The following PALM3 variants were observed in gnomAD, a reference collection of about 807,000 sequenced individuals.
PALM3 encodes the protein paralemmin 3.
A neutral mutation model predicts 27.9 loss-of-function variants in PALM3; 20 were observed. The ratio of observed to expected loss-of-function variants is 0.72; its 90% CI spans 0.50 to 1.04. PALM3 has a LOEUF of 1.04. Ranked by LOEUF, PALM3 falls within the 50% of genes least tolerant of loss-of-function variation. The pLI is 0.00. For synonymous variants in PALM3, 328 were observed against 352.7 expected (o/e 0.93, Z 0.79); for missense variants, 814 against 869.4 (o/e 0.94, Z 0.80).
chr19:14,059,135 G>A lies in PALM3; in HGVS notation c.70C>T (p.Gln24Ter). Reference sequence around the variant, plus strand: ...CTTACAGCGATGACTTCTAGCCGCTGCCGGTAGAGGGAGCTCTCCGCCATG... The same window carrying A: ...CTTACAGCGATGACTTCTAGCCGCTACCGGTAGAGGGAGCTCTCCGCCATG... ...MPMAESSLYR[Q>*]RLEVIAEKRR... is the part of the protein sequence containing the mutation. The change falls in exon 2 of 7, where the codon CAG becomes TAG. Residue 24 changes from glutamine to a stop codon, truncating the protein, a stop_gained. Coordinates refer to ENST00000669674, the MANE Select transcript of PALM3 (RefSeq NM_001145028.2). LOFTEE classifies it high-confidence loss of function. The A allele has an allele frequency of 7.0e-7, 1 of 1,436,244 alleles. No homozygotes were observed. The allele number at this position is 1,436,244 out of a possible 1,614,324, so 89.0% of individuals were successfully genotyped here.
At chr19:14,058,605 G>C (rs1271739662) in intron 2 of PALM3, among the ~76,000 whole-genome samples, 1 of 151,884 alleles carries the variant, frequency 6.6e-6, no homozygotes, top group Non-Finnish European at 1.5e-5. Flanking sequence ...GGGTACAGAG[G>C]TGGAGGTATG....
intron 1 of PALM3, among the ~76,000 whole-genome samples, chr19:14,060,665 G>A (rs1467140473): frequency 2.0e-5 from 3 of 152,122 alleles, no homozygotes; most frequent in Admixed American, 6.6e-5. Flanking sequence ...CACAGCTGGC[G>A]AGGGGGGTGG....
At chr19:14,061,628 C>T (rs1976415306) in intron 1 of PALM3, among the ~76,000 whole-genome samples, 1 of 152,160 alleles carries the variant, frequency 6.6e-6, no homozygotes, top group East Asian at 1.9e-4. Context: ...ACCCAGTGAC[C>T]CTGACCTTCC....
At chr19:14,060,687 T>A (rs73925723) in intron 1 of PALM3, among the ~76,000 whole-genome samples, 2,138 of 152,188 alleles carry the variant, frequency 0.014, 50 homozygotes, top group African/African-American at 0.048. Flanking sequence ...GGTGCAGGTC[T>A]AGGAATCCCC....
Position 14,056,921 on chromosome 19 carries a change from G to C in PALM3, c.172-117C>G. The C allele has an allele frequency of 5.4e-6, 5 of 931,972 alleles. 1 individual carries two copies. In the South Asian group the frequency reaches 7.2e-5, roughly 13 times the overall value. 57.7% of individuals were successfully genotyped at this position (931,972 alleles called of 1,614,324 possible). A position where few individuals can be genotyped will look rare whatever the true frequency, so the allele number is the denominator to read the frequency against. ...TTATCACCACCTCACAACCAGTTGC[G>C]ACATACATCAGGCTGGGATACATGG... On this transcript the variant is annotated intron_variant, in intron 3 of 6. Coordinates refer to ENST00000669674, the MANE Select transcript of PALM3 (RefSeq NM_001145028.2).
At position 14,054,487 on chromosome 19, in the gene PALM3, C is replaced by A; in HGVS notation, c.1185G>T (p.Glu395Asp). Residue 395 changes from glutamate (E) to aspartate (D), a missense_variant, in exon 7 of 7, where the codon GAG (glutamate) becomes GAT (aspartate). Glu to Asp is a conservative substitution (Grantham distance 45). Transcript: ENST00000669674. Reference protein sequence around the residue: ...ERGDESPLGAEGAKTGGGEET... With the variant: ...ERGDESPLGADGAKTGGGEET... ...CCTCGCCTCCTCCCGTCTTGGCCCC[C>A]TCGGCCCCCAGCGGGCTTTCATCTC... 1 of 1,551,350 alleles carries A rather than the reference C, an allele frequency of 6.4e-7. No homozygotes were observed. The highest frequency in any genetic ancestry group is 8.7e-7 in the Non-Finnish European group (1 of 1,146,800).
At chr19:14,056,886 G>A (rs1976315067) in intron 3 of PALM3, 82 bp from the exon 4 acceptor site, 3 of 1,400,400 alleles carry the variant, frequency 2.1e-6, no homozygotes, top group Middle Eastern at 4.8e-4. Context: ...CTGCAGGCTG[G>A]GCAGGTATCT....
Position 14,054,433 on chromosome 19 carries a change from C to T in PALM3, c.1239G>A (p.Ala413=), listed in dbSNP as rs924576898. 61 of 1,551,694 alleles carry T rather than the reference C, an allele frequency of 3.9e-5. No homozygotes were observed. Among genetic ancestry groups the T allele is most frequent in the South Asian group, 5.9e-5 (5 of 84,060 alleles). ...CACTTCCTATTCCCATGGATTCTTC[C>T]GCTTTTCTCTTCTCTGCCTCCCAGG... The part of the protein sequence containing the change: ...EETWEAEKRK[A]EESMGIGSEE... The change falls in exon 7 of 7, where the codon GCG becomes GCA. Residue 413 remains alanine (A), a synonymous_variant. Transcript: ENST00000669674.
intron 2 of PALM3, among the ~76,000 whole-genome samples, chr19:14,058,304 G>A (rs1976353412): frequency 1.3e-5 from 2 of 150,132 alleles, no homozygotes; most frequent in Admixed American, 6.7e-5. Flanking sequence ...GATAGGTGGG[G>A]TATAGAAGTT....
chr19:14,058,322 A>G (rs9749255), intron 2 of PALM3, among the ~76,000 whole-genome samples: 73,038 of 147,020 alleles, frequency 0.5, 19,396 homozygotes, highest in African/African-American at 0.7. Context: ...GTTGAGTGCG[A>G]AGAGATAGGG....
In PALM3 at chr19:14,059,183, G is replaced by C. The variant is rs567715319; in HGVS notation, c.42-20C>G. The C allele has an allele frequency of 6.9e-7, 1 of 1,441,872 alleles. No homozygotes were observed. Among genetic ancestry groups the C allele is most frequent in the African/African-American group, 1.5e-5 (1 of 65,948 alleles). The allele number at this position is 1,441,872 out of a possible 1,614,324, so 89.3% of individuals were successfully genotyped here. Reference sequence around the variant, plus strand: ...ATGGGCCTGTTGGGAGAGGGCAGGGGCTTCGAGGGGCTCCCATCTTGAACG... The same window carrying C: ...ATGGGCCTGTTGGGAGAGGGCAGGGCCTTCGAGGGGCTCCCATCTTGAACG... On this transcript the variant is annotated intron_variant, in intron 1 of 6. Coordinates refer to ENST00000669674, the MANE Select transcript of PALM3 (RefSeq NM_001145028.2).
At position 14,053,741 on chromosome 19, in the gene PALM3, C is replaced by T; in HGVS notation, c.1931G>A (p.Gly644Glu). Residue 644 changes from glycine to glutamate, a missense_variant, in exon 7 of 7, where the codon GGG becomes GAG. By Grantham distance (98) the Gly-to-Glu change is moderately conservative. Coordinates refer to ENST00000669674, the MANE Select transcript of PALM3 (RefSeq NM_001145028.2). ...GTGGGCACTGGGGTTGGCGCTGGGCCCCTCCCCCTGAAGCAGTGGCTGGCA... is the reference window on the plus strand; with the variant it reads ...GTGGGCACTGGGGTTGGCGCTGGGCTCCTCCCCCTGAAGCAGTGGCTGGCA... The part of the protein sequence containing the change: ...AECQPLLQGE[G>E]PSANPSAHPV... 1.3e-6 allele frequency: 2 copies of T among 1,532,068 alleles called. No individual in the cohort carries two copies. Among genetic ancestry groups the T allele is most frequent in the Non-Finnish European group, 1.8e-6 (2 of 1,138,180 alleles). The allele number at this position is 1,532,068 out of a possible 1,614,324, so 94.9% of individuals were successfully genotyped here. A position where few individuals can be genotyped will look rare whatever the true frequency, so the allele number is the denominator to read the frequency against.
In PALM3 at chr19:14,059,086, G is replaced by T. The variant is rs1207059288; in HGVS notation, c.90+29C>A. The T allele has an allele frequency of 4.1e-6, 6 of 1,453,350 alleles. No homozygotes were observed. The East Asian group carries it at 1.2e-4, about 29-fold the overall frequency. The allele number at this position is 1,453,350 out of a possible 1,614,324, so 90.0% of individuals were successfully genotyped here. A position where few individuals can be genotyped will look rare whatever the true frequency, so the allele number is the denominator to read the frequency against. On this transcript the variant is annotated intron_variant, in intron 2 of 6. Coordinates refer to ENST00000669674, the MANE Select transcript of PALM3 (RefSeq NM_001145028.2). Reference sequence around the variant, plus strand: ...GGAGCATGGTGGAAAGTTTGGGGGTGCCCAGGGCGCGGGGAGGGCGTCACT... The same window carrying T: ...GGAGCATGGTGGAAAGTTTGGGGGTTCCCAGGGCGCGGGGAGGGCGTCACT...
chr19:14,058,994 T>A, intron 2 of PALM3, 121 bp downstream of exon 2: 1 of 844,238 alleles, frequency 1.2e-6, no homozygotes, highest in South Asian at 2.2e-5. Flanking sequence ...GGAGAATTGG[T>A]GTGGGGAGCC....
Position 14,055,005 on chromosome 19 carries a change from G to A in PALM3, c.667C>T (p.Arg223Trp), listed in dbSNP as rs369965891. 2.4e-4 allele frequency: 372 copies of A among 1,547,906 alleles called. 1 individual carries two copies. The highest frequency in any genetic ancestry group is 2.0e-3 in the Middle Eastern group (12 of 6,000). The change falls in exon 7 of 7, where the codon CGG becomes TGG. Residue 223 changes from arginine (R) to tryptophan (W), a missense_variant. Arg to Trp is a moderately radical substitution (Grantham distance 101). Transcript: ENST00000669674. ...CCCCCTCCTTTGGCCTCACCCACCC[G>A]CCCTTCGGATGGCACTGCCCTCTGA... ...LSQRAVPSEG[R>W]VGEAKGGGVV... is the part of the protein sequence containing the mutation.
At position 14,054,327 on chromosome 19, in the gene PALM3, G is replaced by C. The variant is rs1291774388; in HGVS notation, c.1345C>G (p.Leu449Val). ...TTTTCTGCACTTCCTCTGCTCTCCA[G>C]CTCCAACTTCTTCTCTCCTCCTTTC... ...ERKGGEKKLE[L>V]ESRGSAEKLG... is the part of the protein sequence containing the mutation. Residue 449 changes from leucine (L) to valine (V), a missense_variant, in exon 7 of 7, where the codon CTG becomes GTG. Physicochemically the swap from Leu to Val is conservative, Grantham distance 32. Coordinates refer to ENST00000669674, the MANE Select transcript of PALM3 (RefSeq NM_001145028.2). 4 of 1,551,874 alleles carry C rather than the reference G, an allele frequency of 2.6e-6. No homozygotes were observed. The highest frequency in any genetic ancestry group is 3.5e-6 in the Non-Finnish European group (4 of 1,147,080).
At position 14,053,823 on chromosome 19, in the gene PALM3, A is replaced by G; in HGVS notation, c.1849T>C (p.Leu617=). The G allele has an allele frequency of 1.3e-6, 2 of 1,550,028 alleles. No individual in the cohort carries two copies. Among genetic ancestry groups the G allele is most frequent in the Non-Finnish European group, 8.7e-7 (1 of 1,146,126 alleles). ...PQTAAEGQGP[L]GDATPLLAET... is the part of the protein sequence containing the mutation. ...GCCAGAAGAGGTGTGGCATCCCCCA[A>G]GGGGCCTTGGCCCTCAGCAGCGGTT... Residue 617 remains leucine, a synonymous_variant, in exon 7 of 7, where the codon TTG becomes CTG. Transcript: ENST00000669674.
At chr19:14,057,971 G>A (rs1976342066) in intron 2 of PALM3, among the ~76,000 whole-genome samples, 2 of 152,294 alleles carry the variant, frequency 1.3e-5, no homozygotes, top group East Asian at 1.9e-4. Flanking sequence ...AGCTGGGCGT[G>A]GTAGCAGGCG....
Position 14,053,652 on chromosome 19 carries a change from C to G in PALM3, c.2020G>C (p.Ala674Pro), listed in dbSNP as rs758046982. The G allele has an allele frequency of 3.4e-6, 5 of 1,467,838 alleles. No homozygotes were observed. The highest frequency in any genetic ancestry group is 4.5e-6 in the Non-Finnish European group (5 of 1,110,336). The allele number at this position is 1,467,838 out of a possible 1,614,324, so 90.9% of individuals were successfully genotyped here. Residue 674 changes from alanine to proline, a missense_variant, in exon 7 of 7, where the codon GCA (alanine) becomes CCA (proline). Physicochemically the swap from Ala to Pro is conservative, Grantham distance 27. Coordinates refer to ENST00000669674, the MANE Select transcript of PALM3 (RefSeq NM_001145028.2). ...EPSAPTEGEEASGPKQKTCQC... is the reference protein window; with the variant it reads ...EPSAPTEGEEPSGPKQKTCQC... ...CACGTCTTTTGCTTAGGGCCACTTG[C>G]CTCTTCACCCTCGGTGGGGGCAGAT... is the stretch of plus-strand genomic sequence containing the variant.
Sources: allele counts gnomAD v4.1 joint callset (sites outside exome capture counted in the v4.1 genomes callset), GRCh38; gene constraint gnomAD v4.1.1; transcripts MANE v1.5; gene names NCBI Gene and HGNC (gene_info 2026-07-23, HGNC 2026-07-21).